Variants in NUCB2 observed in about 807,000 individuals in gnomAD.
NUCB2 encodes the protein nucleobindin 2.
NUCB2 carries 48 observed loss-of-function variants against 57.9 expected under a neutral mutation model. The observed-to-expected ratio is 0.83, with a 90% CI of 0.66 to 1.05. The LOEUF (loss-of-function observed/expected upper bound fraction) is 1.05, where lower values mean the gene tolerates loss of function less well. Among genes scored for constraint, NUCB2 ranks in the 50% least tolerant of loss-of-function variants. NUCB2 has a pLI of 0.00. For synonymous variants in NUCB2, 139 were observed against 152.1 expected (o/e 0.91, Z 0.64); for missense variants, 442 against 476.2 (o/e 0.93, Z 0.67).
intron 11 of NUCB2, among the ~76,000 whole-genome samples, chr11:17,318,020 CAG>C (rs1346517161): frequency 8.3e-6 from 1 of 119,828 alleles, no homozygotes; most frequent in African/African-American, 3.2e-5. Context: ...AAAATAAAGA[CAG>C]AGTCTCTCTC....
intron 1 of NUCB2, among the ~76,000 whole-genome samples, chr11:17,278,899 A>G (rs915543202): frequency 1.3e-5 from 2 of 152,180 alleles, no homozygotes; most frequent in African/African-American, 4.8e-5. Flanking sequence ...ATGTATTGAA[A>G]ATAATCCTTT....
rs188006856 is a variant in NUCB2, at chr11:17,291,561, T to A, written c.1-3763T>A. 8.8e-3 allele frequency among the ~76,000 whole-genome samples: 223 copies of A among 25,274 alleles called. 4 individuals are homozygous for A. The highest frequency in any genetic ancestry group is 0.023 in the Middle Eastern group (1 of 44). The allele number at this position is 25,274 out of a possible 152,430, so 16.6% of individuals were successfully genotyped here. On this transcript the variant is annotated intron_variant, in intron 2 of 13. Coordinates refer to ENST00000529010, the MANE Select transcript of NUCB2 (RefSeq NM_005013.4). ...ACTCTGCATCAAAAAAAAAAAAAAATCAGTCTTTTGTCCTTTAAAATTATC... is the reference window on the plus strand; with the variant it reads ...ACTCTGCATCAAAAAAAAAAAAAAAACAGTCTTTTGTCCTTTAAAATTATC...
Position 17,330,920 on chromosome 11 carries a change from CA to C in NUCB2, c.1200del (p.Lys400AsnfsTer15). Reference sequence around the variant, plus strand: ...TCACCAGGTCATACAGCAGATGGAACAAAAAAAATTACAACAAGGAATTCCT... The same window carrying C: ...TCACCAGGTCATACAGCAGATGGAACAAAAAAATTACAACAAGGAATTCCT... ...EYHQVIQQME[Q>X]KKLQQGIPPS... On this transcript the variant is annotated frameshift_variant, in exon 13 of 14. Coordinates refer to ENST00000529010, the MANE Select transcript of NUCB2 (RefSeq NM_005013.4). LOFTEE classifies it high-confidence loss of function. This position sits in a 1 kb window ranked among gnomAD's most constrained non-coding sequence, Gnocchi z 4.3. 3.8e-5 allele frequency: 60 copies of C among 1,585,520 alleles called. No individual in the cohort carries two copies. Among genetic ancestry groups the C allele is most frequent in the East Asian group, 1.2e-4 (5 of 43,024 alleles).
chr11:17,279,276 C>A (rs909646246), intron 1 of NUCB2, among the ~76,000 whole-genome samples: 2 of 152,132 alleles, frequency 1.3e-5, no homozygotes, highest in African/African-American at 2.4e-5. Flanking sequence ...TATTTCCAAT[C>A]AAAAATTTTT....
rs2139468307 is a variant in NUCB2, at chr11:17,330,631, G to A, written c.1174-271G>A. 6.6e-6 allele frequency among the ~76,000 whole-genome samples: 1 copy of A among 152,132 alleles called. No homozygotes were observed. Among genetic ancestry groups the A allele is most frequent in the East Asian group, 1.9e-4 (1 of 5,180 alleles). Reference sequence around the variant, plus strand: ...CTACAGGTGCATGCCAGTGTTCCTGGCTAATGTTAATATTTTTTGTAGAGA... The same window carrying A: ...CTACAGGTGCATGCCAGTGTTCCTGACTAATGTTAATATTTTTTGTAGAGA... On this transcript the variant is annotated intron_variant, in intron 12 of 13. Transcript: ENST00000529010. The surrounding 1 kb of genome is among the most constrained non-coding windows in gnomAD (Gnocchi z 4.3).
chr11:17,335,970 C>A (rs1951770912), downstream of NUCB2, among the ~76,000 whole-genome samples: 1 of 152,174 alleles, frequency 6.6e-6, no homozygotes, highest in African/African-American at 2.4e-5. Flanking sequence ...TATGAATTTT[C>A]ATGAAGCATG....
At chr11:17,293,197 T>C (rs1398016500) in intron 2 of NUCB2, among the ~76,000 whole-genome samples, 3 of 144,706 alleles carry the variant, frequency 2.1e-5, no homozygotes, top group Non-Finnish European at 4.5e-5. Context: ...GAGGTTGCAG[T>C]GAGCCGAGAT....
rs61660913 is a variant in NUCB2, at chr11:17,291,545, C to CAAAAAAAA, written c.1-3771_1-3764dup. On this transcript the variant is annotated intron_variant, in intron 2 of 13. Transcript: ENST00000529010. ...TGGGTGGCAGAGTAAGACTCTGCAT[C>CAAAAAAAA]AAAAAAAAAAAAAAATCAGTCTTTT... Among the ~76,000 whole-genome samples the CAAAAAAAA allele has an allele frequency of 3.6e-4, 19 of 52,206 alleles. 1 individual carries two copies. Among genetic ancestry groups the CAAAAAAAA allele is most frequent in the South Asian group, 9.7e-4 (1 of 1,036 alleles). The allele number at this position is 52,206 out of a possible 152,430, so 34.2% of individuals were successfully genotyped here.
intron 2 of NUCB2, among the ~76,000 whole-genome samples, chr11:17,285,743 C>CA (rs1159389193): frequency 0.032 from 1,136 of 35,106 alleles, 39 homozygotes; most frequent in Middle Eastern, 0.069. Context: ...GACTCCGTCT[C>CA]AAAAAAAAAA....
chr11:17,295,461 A>T lies in NUCB2; in HGVS notation c.138A>T (p.Glu46Asp), dbSNP rs752473794. Residue 46 changes from glutamate to aspartate, a missense_variant, in exon 3 of 14, where the codon GAA (glutamate) becomes GAT (aspartate). Coordinates refer to ENST00000529010, the MANE Select transcript of NUCB2 (RefSeq NM_005013.4). The part of the protein sequence containing the change: ...NIHPVESAKI[E>D]PPDTGLYYDE... ...ACCCTGTGGAAAGTGCGAAGATAGAACCACCAGTAAGTGAAATGAAGTGAA... is the reference window on the plus strand; with the variant it reads ...ACCCTGTGGAAAGTGCGAAGATAGATCCACCAGTAAGTGAAATGAAGTGAA... 3 of 1,608,878 alleles carry T rather than the reference A, an allele frequency of 1.9e-6. No individual in the cohort carries two copies. Among genetic ancestry groups the T allele is most frequent in the Non-Finnish European group, 2.5e-6 (3 of 1,177,416 alleles).
intron 1 of NUCB2, among the ~76,000 whole-genome samples, chr11:17,281,828 TC>T (rs1942630778): frequency 6.6e-6 from 1 of 152,002 alleles, no homozygotes; most frequent in Non-Finnish European, 1.5e-5. Context: ...AATACATGTC[TC>T]CTTAAAATTT....
At chr11:17,300,996 G>A (rs1379365153) in intron 4 of NUCB2, among the ~76,000 whole-genome samples, 1 of 139,384 alleles carries the variant, frequency 7.2e-6, no homozygotes, top group Non-Finnish European at 1.5e-5. Context: ...TTTTGAGACG[G>A]AGTTTCACTC....
chr11:17,348,321 T>G (rs1478244356), intron 2 of NUCB2, among the ~76,000 whole-genome samples: 428 of 2,890 alleles, frequency 0.15, 45 homozygotes, highest in Non-Finnish European at 0.23. Flanking sequence ...GTTTTTGTGT[T>G]TTTTTTTTTT....
chr11:17,288,546 C>CTTATTATTT (rs1409100990), intron 2 of NUCB2, among the ~76,000 whole-genome samples: 1 of 81,666 alleles, frequency 1.2e-5, no homozygotes, highest in Non-Finnish European at 2.3e-5. Context: ...TCTTCTTCTT[C>CTTATTATTT]TTCTTCTTTT....
At chr11:17,317,816 AG>A (rs1198086861) in intron 11 of NUCB2, 1 of 172,692 alleles carries the variant, frequency 5.8e-6, no homozygotes, top group Non-Finnish European at 1.3e-5. Context: ...AGCCCACCAT[AG>A]TGAGAGAATC....
intron 2 of NUCB2, among the ~76,000 whole-genome samples, chr11:17,289,951 A>C (rs1329918164): frequency 6.6e-6 from 1 of 152,136 alleles, no homozygotes; most frequent in Non-Finnish European, 1.5e-5. Context: ...GCATGAGTCC[A>C]TCAATTCAGC....
intron 8 of NUCB2, among the ~76,000 whole-genome samples, chr11:17,311,648 T>C (rs1258884287): frequency 1.3e-5 from 2 of 152,186 alleles, no homozygotes; most frequent in Admixed American, 6.5e-5. Context: ...AAAAAAATGG[T>C]CAAGATACGC....
At chr11:17,287,952 C>A (rs1451303544) in intron 2 of NUCB2, among the ~76,000 whole-genome samples, 2 of 152,088 alleles carry the variant, frequency 1.3e-5, no homozygotes, top group Non-Finnish European at 2.9e-5. Flanking sequence ...GATCCGAGAT[C>A]GCGGCACTGC....
chr11:17,321,848 G>A (rs1351859930), intron 11 of NUCB2, among the ~76,000 whole-genome samples: 1 of 152,096 alleles, frequency 6.6e-6, no homozygotes, highest in East Asian at 1.9e-4. Flanking sequence ...GATGATCAGT[G>A]ATGTTGAGCA....
Sources: allele counts gnomAD v4.1 joint callset (sites outside exome capture counted in the v4.1 genomes callset), GRCh38; gene constraint gnomAD v4.1.1; non-coding constraint Gnocchi (gnomAD v3.1); transcripts MANE v1.5; gene names NCBI Gene and HGNC (gene_info 2026-07-23, HGNC 2026-07-21).